Variants in CCSER1 observed in about 807,000 individuals in gnomAD.
The protein encoded by CCSER1 is coiled-coil serine rich protein 1, also known as serine-rich coiled-coil domain-containing protein 1.
Under a neutral mutation model 82.0 loss-of-function variants are expected in CCSER1, and 41 were observed. The ratio of observed to expected loss-of-function variants is 0.50; its 90% CI spans 0.39 to 0.65. CCSER1 has a LOEUF of 0.65. Ranked by LOEUF, CCSER1 falls within the 30% of genes least tolerant of loss-of-function variation. The probability of loss-of-function intolerance (pLI) is 0.00; values close to 1 mark genes in which losing one functional copy is unlikely to be tolerated. For synonymous variants in CCSER1, 414 were observed against 383.9 expected (o/e 1.08, Z -0.92); for missense variants, 1,119 against 1,064.2 (o/e 1.05, Z -0.72).
rs574038093 is a variant in CCSER1 at position 91,148,332 on chromosome 4, A to G, written c.2217+62338A>G. On this transcript the variant is annotated intron_variant, in intron 10 of 10. Coordinates refer to ENST00000509176, the MANE Select transcript of CCSER1 (RefSeq NM_001145065.2). The stretch of plus-strand genomic sequence containing the variant: ...GTTCATTGAGCTCTTAAGATATACC[A>G]CGCAGAGTTTTCGAAGCTGGAACTC... 2.6e-5 allele frequency among the ~76,000 whole-genome samples: 4 copies of G among 152,196 alleles called. No individual in the cohort carries two copies. In the South Asian group the frequency reaches 8.3e-4, roughly 32 times the overall value.
intron 4 of CCSER1, among the ~76,000 whole-genome samples, chr4:90,455,939 A>G (rs1762114159): frequency 6.6e-6 from 1 of 152,154 alleles, no homozygotes; most frequent in African/African-American, 2.4e-5. Flanking sequence ...CCTCAAAACT[A>G]AACTTGGGAC....
At chr4:91,099,920 G>GA (rs549088990) in intron 10 of CCSER1, among the ~76,000 whole-genome samples, 225 of 151,860 alleles carry the variant, frequency 1.5e-3, no homozygotes, top group African/African-American at 4.8e-3. Flanking sequence ...GGGCCAGGAA[G>GA]AAAAAAAACT....
chr4:91,157,718 A>C (rs1202835214), intron 10 of CCSER1, among the ~76,000 whole-genome samples: 1 of 151,964 alleles, frequency 6.6e-6, no homozygotes, highest in Non-Finnish European at 1.5e-5. Flanking sequence ...TGCAAATGAA[A>C]TGTCAAACCT....
chr4:91,075,532 A>G (rs1378773609), intron 9 of CCSER1, among the ~76,000 whole-genome samples: 1 of 152,174 alleles, frequency 6.6e-6, no homozygotes, highest in Non-Finnish European at 1.5e-5. Context: ...AATATTAAGA[A>G]TCAACCCATA....
chr4:90,188,729 T>A (rs1445493413), intron 1 of CCSER1, among the ~76,000 whole-genome samples: 1 of 151,878 alleles, frequency 6.6e-6, no homozygotes, highest in Non-Finnish European at 1.5e-5. Flanking sequence ...CAGCTCTGAG[T>A]CAGATGCTAA....
chr4:90,691,469 C>G (rs1735832749), intron 6 of CCSER1, among the ~76,000 whole-genome samples: 1 of 143,128 alleles, frequency 7.0e-6, no homozygotes, highest in Non-Finnish European at 1.6e-5. Flanking sequence ...CATATATACA[C>G]ACATGTATTA....
At chr4:91,165,194 A>T (rs1308559930) in intron 10 of CCSER1, among the ~76,000 whole-genome samples, 1 of 152,134 alleles carries the variant, frequency 6.6e-6, no homozygotes, top group Non-Finnish European at 1.5e-5. Context: ...CAGGTCCCTC[A>T]GCTGCAGGTC....
chr4:90,480,609 T>C (rs555854716), intron 5 of CCSER1, among the ~76,000 whole-genome samples: 2 of 152,324 alleles, frequency 1.3e-5, no homozygotes, highest in East Asian at 3.9e-4. Flanking sequence ...GAGGCAGTTT[T>C]CCCAGCACCA....
intron 5 of CCSER1, among the ~76,000 whole-genome samples, chr4:90,485,277 C>A (rs1177079445): frequency 6.6e-6 from 1 of 152,196 alleles, no homozygotes; most frequent in Admixed American, 6.5e-5. Flanking sequence ...GTCTGTCACC[C>A]GTTTCTTTGA....
chr4:90,869,213 A>G (rs1011902917), intron 8 of CCSER1, among the ~76,000 whole-genome samples: 2 of 151,820 alleles, frequency 1.3e-5, no homozygotes, highest in African/African-American at 4.8e-5. Flanking sequence ...ATGCGATCCC[A>G]TTTGTCTATT....
intron 10 of CCSER1, among the ~76,000 whole-genome samples, chr4:91,212,808 G>A (rs1431622001): frequency 6.6e-6 from 1 of 152,060 alleles, no homozygotes; most frequent in African/African-American, 2.4e-5. Context: ...ATGATGCTGA[G>A]GTTTGGGGAT....
intron 8 of CCSER1, among the ~76,000 whole-genome samples, chr4:90,912,248 C>T (rs1284434837): frequency 2.0e-5 from 3 of 152,180 alleles, no homozygotes; most frequent in Non-Finnish European, 4.4e-5. Context: ...CCAGTAGGGG[C>T]AGACTGACAC....
intron 8 of CCSER1, among the ~76,000 whole-genome samples, chr4:90,848,898 T>G (rs1007151336): frequency 1.3e-5 from 2 of 152,252 alleles, no homozygotes; most frequent in African/African-American, 4.8e-5. Context: ...ACACTCATTT[T>G]CTCTCCTGCC....
chr4:91,562,614 C>G (rs1247194586), intron 10 of CCSER1, among the ~76,000 whole-genome samples: 1 of 151,478 alleles, frequency 6.6e-6, no homozygotes, highest in Non-Finnish European at 1.5e-5. Context: ...CACTTAGACT[C>G]TATATGCTGA....
At chr4:90,240,047 G>A (rs1217881416) in intron 1 of CCSER1, among the ~76,000 whole-genome samples, 1 of 152,202 alleles carries the variant, frequency 6.6e-6, no homozygotes, top group Admixed American at 6.5e-5. Context: ...AAACTTGGAA[G>A]AGGATCAGAT....
At chr4:90,985,389 A>G (rs527555649) in intron 9 of CCSER1, among the ~76,000 whole-genome samples, 1 of 151,358 alleles carries the variant, frequency 6.6e-6, no homozygotes, top group South Asian at 2.1e-4. Context: ...ACTCTTAAAT[A>G]TTTAATAAAA....
chr4:91,541,263 T>C (rs980592419), intron 10 of CCSER1, among the ~76,000 whole-genome samples: 2 of 152,184 alleles, frequency 1.3e-5, no homozygotes, highest in Non-Finnish European at 2.9e-5. Context: ...AATTCTAGGG[T>C]ACATGTGCAC....
intron 9 of CCSER1, among the ~76,000 whole-genome samples, chr4:91,054,908 G>C (rs947919902): frequency 6.6e-6 from 1 of 152,032 alleles, no homozygotes; most frequent in Non-Finnish European, 1.5e-5. Flanking sequence ...TTAACCTGTA[G>C]CTGGATTCTG....
At chr4:91,591,426 G>A (rs150837674) in intron 10 of CCSER1, among the ~76,000 whole-genome samples, 29 of 151,968 alleles carry the variant, frequency 1.9e-4, no homozygotes, top group African/African-American at 6.8e-4. Context: ...ATGTATTATA[G>A]AGTGTATTCT....
Sources: gnomAD v4.1 joint callset for allele counts (sites outside exome capture counted in the v4.1 genomes callset) on GRCh38, gnomAD v4.1.1 for gene constraint, MANE v1.5 for transcripts, NCBI Gene and HGNC (gene_info 2026-07-23, HGNC 2026-07-21) for gene names.